RBFOX1: variants seen among roughly 807,000 people sequenced by gnomAD.
RBFOX1 encodes RNA binding protein fox-1 homolog 1.
Under a neutral mutation model 57.7 loss-of-function variants are expected in RBFOX1, and 8 were observed. The observed-to-expected ratio is 0.14, with a 90% CI of 0.08 to 0.25. The LOEUF (loss-of-function observed/expected upper bound fraction) is 0.25. Among genes scored for constraint, RBFOX1 ranks in the 10% least tolerant of loss-of-function variants. RBFOX1 has a pLI of 1.00. For synonymous variants in RBFOX1, 326 were observed against 222.4 expected (o/e 1.47, Z -4.15); for missense variants, 611 against 548.5 (o/e 1.11, Z -1.14).
At chr16:7,055,820 C>G (rs2052005502) in intron 4 of RBFOX1, among the ~76,000 whole-genome samples, 1 of 152,186 alleles carries the variant, frequency 6.6e-6, no homozygotes, top group Non-Finnish European at 1.5e-5. Context: ...AAGGAATTCA[C>G]AGGGGTCCAC....
chr16:5,872,726 AC>A (rs1212335598), intron 4 of RBFOX1, among the ~76,000 whole-genome samples: 1 of 151,994 alleles, frequency 6.6e-6, no homozygotes, highest in Non-Finnish European at 1.5e-5. Flanking sequence ...ACAGAGCTAG[AC>A]CCTGTCTTAA....
intron 4 of RBFOX1, among the ~76,000 whole-genome samples, chr16:7,131,147 C>G (rs908669568): frequency 3.3e-5 from 5 of 151,960 alleles, no homozygotes; most frequent in Admixed American, 1.3e-4. Flanking sequence ...GAGTTCGAAA[C>G]AAGCCTGGTC....
intron 1 of RBFOX1, among the ~76,000 whole-genome samples, chr16:6,210,812 C>T (rs1384854669): frequency 6.6e-6 from 1 of 152,122 alleles, no homozygotes. Flanking sequence ...TCTTCAAAGA[C>T]ATGGGCACAG....
chr16:6,499,484 G>T (rs943425148), intron 2 of RBFOX1, among the ~76,000 whole-genome samples: 2 of 152,136 alleles, frequency 1.3e-5, no homozygotes, highest in Non-Finnish European at 2.9e-5. Context: ...AATGGTATTA[G>T]ATTTGTAATA....
At chr16:7,510,004 C>T (rs1031135002) in intron 4 of RBFOX1, 4 of 199,212 alleles carry the variant, frequency 2.0e-5, no homozygotes, top group Non-Finnish European at 2.6e-5. Flanking sequence ...ATATAATCAT[C>T]TGCTCAGTGG....
chr16:7,036,458 C>T (rs148123231), intron 3 of RBFOX1, among the ~76,000 whole-genome samples: 4 of 152,024 alleles, frequency 2.6e-5, no homozygotes, highest in African/African-American at 7.2e-5. Context: ...CGCTTGTAAT[C>T]TCAATACTTT....
chr16:7,010,573 A>C (rs948574957), intron 3 of RBFOX1, among the ~76,000 whole-genome samples: 1 of 151,816 alleles, frequency 6.6e-6, no homozygotes, highest in Admixed American at 6.6e-5. Context: ...TTTTTGAGAC[A>C]GAGTTTTTCT....
At position 5,469,108 on chromosome 16, in the gene RBFOX1, C is replaced by G. The variant is rs1002710620; in HGVS notation, c.258+1854C>G. On this transcript the variant is annotated intron_variant, in intron 2 of 2. Transcript: ENST00000585867. ...AGGTGGGTACTAGAGCGGGCAAGCT[C>G]TGGCCTGTCTGTTGCCTCCTCTTCT... Among the ~76,000 whole-genome samples, 9 of 152,306 alleles carry G rather than the reference C, an allele frequency of 5.9e-5. No homozygotes were observed. The East Asian group carries it at 1.7e-3, about 29-fold the overall frequency.
At chr16:6,908,459 G>T (rs1037120373) in intron 3 of RBFOX1, among the ~76,000 whole-genome samples, 1 of 152,094 alleles carries the variant, frequency 6.6e-6, no homozygotes. Flanking sequence ...ACCTCTTCTA[G>T]ACTTTCTCCC....
chr16:6,842,286 A>G lies in RBFOX1; in HGVS notation c.-16+187636A>G, dbSNP rs930118781. Among the ~76,000 whole-genome samples the G allele has an allele frequency of 6.6e-5, 10 of 151,388 alleles. No individual in the cohort carries two copies. In the East Asian group the frequency reaches 1.9e-3, roughly 29 times the overall value. On this transcript the variant is annotated intron_variant, in intron 3 of 15. Transcript: ENST00000550418. ...CATATATTTTTCTGTAAGGAAATAA[A>G]AACAACTTTCTTAATTATTTTTTTC... is the stretch of plus-strand genomic sequence containing the variant.
intron 3 of RBFOX1, among the ~76,000 whole-genome samples, chr16:6,845,435 G>T (rs2093703356): frequency 6.6e-6 from 1 of 152,096 alleles, no homozygotes; most frequent in African/African-American, 2.4e-5. Context: ...ATTAAATAGA[G>T]AATCCTTTCC....
intron 1 of RBFOX1, among the ~76,000 whole-genome samples, chr16:6,069,011 A>G (rs146147899): frequency 9.0e-4 from 137 of 152,150 alleles, no homozygotes; most frequent in Middle Eastern, 6.8e-3. Flanking sequence ...AAACATATTT[A>G]TAAAAAAAAG....
intron 2 of RBFOX1, among the ~76,000 whole-genome samples, chr16:5,475,071 C>T (rs942656515): frequency 6.6e-6 from 1 of 152,228 alleles, no homozygotes; most frequent in East Asian, 1.9e-4. Context: ...GTAGGTGTCT[C>T]TTGGAAGTGG....
At chr16:6,379,184 T>C (rs1485096418) in intron 2 of RBFOX1, among the ~76,000 whole-genome samples, 3 of 152,110 alleles carry the variant, frequency 2.0e-5, no homozygotes, top group Admixed American at 6.6e-5. Flanking sequence ...ATGTTGAGTT[T>C]TGGGCCCCTG....
chr16:5,642,665 G>T (rs933732234), intron 3 of RBFOX1, among the ~76,000 whole-genome samples: 1 of 152,122 alleles, frequency 6.6e-6, no homozygotes, highest in African/African-American at 2.4e-5. Context: ...AAGCTGGCTA[G>T]CCGATGAATG....
chr16:6,576,415 C>A (rs926435647), intron 2 of RBFOX1, among the ~76,000 whole-genome samples: 13 of 152,118 alleles, frequency 8.5e-5, no homozygotes, highest in Non-Finnish European at 2.9e-5. Flanking sequence ...CATAGTGGAC[C>A]CAGTTGGGAA....
At chr16:6,012,293 A>G (rs2094966015) in intron 4 of RBFOX1, among the ~76,000 whole-genome samples, 1 of 152,226 alleles carries the variant, frequency 6.6e-6, no homozygotes, top group Non-Finnish European at 1.5e-5. Context: ...CCTAGTGCCT[A>G]GTGCATAGTA....
intron 1 of RBFOX1, among the ~76,000 whole-genome samples, chr16:5,285,197 C>T (rs1057182957): frequency 1.3e-5 from 2 of 152,152 alleles, no homozygotes; most frequent in African/African-American, 4.8e-5. Flanking sequence ...GACTAGTCTT[C>T]AACTTCAGAA....
chr16:6,510,497 G>C (rs1257042417), intron 2 of RBFOX1, among the ~76,000 whole-genome samples: 2 of 152,200 alleles, frequency 1.3e-5, no homozygotes, highest in African/African-American at 4.8e-5. Context: ...AGGGACAGCA[G>C]GCACAGATGA....
Sources: gnomAD v4.1 joint callset for allele counts (sites outside exome capture counted in the v4.1 genomes callset) on GRCh38, gnomAD v4.1.1 for gene constraint, MANE v1.5 for transcripts, NCBI Gene and HGNC (gene_info 2026-07-23, HGNC 2026-07-21) for gene names.